Variants in COL22A1 observed in about 807,000 individuals in gnomAD.
The protein encoded by COL22A1 is collagen alpha-1(XXII) chain.
In COL22A1, 221 loss-of-function variants were observed where a neutral mutation model predicts 248.9. The ratio of observed to expected loss-of-function variants is 0.89; its 90% CI spans 0.80 to 0.99. The LOEUF is 0.99. Among genes scored for constraint, COL22A1 ranks in the 50% least tolerant of loss-of-function variants. COL22A1 has a pLI of 0.00. For synonymous variants in COL22A1, 891 were observed against 793.4 expected, an observed-to-expected ratio of 1.12 and a Z score of -2.07; for missense variants, 2,240 against 2,179.0, an observed-to-expected ratio of 1.03 and a Z score of -0.56.
intron 10 of COL22A1, among the ~76,000 whole-genome samples, chr8:138,805,565 T>A: frequency 2.3e-5 from 3 of 132,720 alleles, no homozygotes; most frequent in Admixed American, 7.5e-5. Flanking sequence ...TGGTGTGTTA[T>A]GGTGTGTGTC....
intron 41 of COL22A1, among the ~76,000 whole-genome samples, chr8:138,664,728 T>C (rs1824342516): frequency 6.6e-6 from 1 of 152,212 alleles, no homozygotes; most frequent in South Asian, 2.1e-4. Flanking sequence ...GCAAGTGCCC[T>C]GTGCATTGCA....
chr8:138,684,584 C>A, intron 38 of COL22A1, 115 bp from the exon 39 acceptor site: 2 of 770,654 alleles, frequency 2.6e-6, no homozygotes, highest in Non-Finnish European at 2.3e-6. Context: ...GGGTGAGACT[C>A]ACTATGACCT....
intron 41 of COL22A1, among the ~76,000 whole-genome samples, chr8:138,673,197 C>T (rs1195328631): frequency 6.8e-6 from 1 of 147,560 alleles, no homozygotes; most frequent in African/African-American, 2.5e-5. Context: ...GAGTAACTTA[C>T]TTACAGCCGA....
intron 13 of COL22A1, 123 bp from the exon 14 acceptor site, chr8:138,779,685 T>C (rs773248107): frequency 3.0e-6 from 2 of 664,776 alleles, no homozygotes; most frequent in South Asian, 3.6e-5. Flanking sequence ...AGAAACAAGG[T>C]AGCCACCAGT....
At position 138,676,628 on chromosome 8, in the gene COL22A1, C is replaced by A. The variant is rs768646626; in HGVS notation, c.3080G>T (p.Arg1027Leu). 3 of 1,562,266 alleles carry A rather than the reference C, an allele frequency of 1.9e-6. No homozygotes were observed. The highest frequency in any genetic ancestry group is 2.6e-6 in the Non-Finnish European group (3 of 1,152,094). Reference protein sequence around the residue: ...ALGGQCVKGDRGAPGIPGSPG... With the variant: ...ALGGQCVKGDLGAPGIPGSPG... ...AGAACCAGGGATCCCAGGAGCTCCT[C>A]GATCCCCCTAGAAAGAGAGAAAAAT... The change falls in exon 41 of 65, where the codon CGA becomes CTA. Residue 1027 changes from arginine to leucine, a missense_variant. Coordinates refer to ENST00000303045, the MANE Select transcript of COL22A1 (RefSeq NM_152888.3).
chr8:138,802,921 GCTC>G lies in COL22A1; in HGVS notation c.1505_1507del (p.Gly502del), dbSNP rs775459288. 2 of 1,613,794 alleles carry G rather than the reference GCTC, an allele frequency of 1.2e-6. No individual in the cohort carries two copies. Among genetic ancestry groups the G allele is most frequent in the Non-Finnish European group, 1.7e-6 (2 of 1,179,688 alleles). ...TCCAGGAGCGCCAACCGGCCCAATG[GCTC>G]CTATGTCTCCCTGAGGGGTTGAGAC... On this transcript the variant is annotated inframe_deletion, in exon 11 of 65. Transcript: ENST00000303045.
chr8:138,726,845 G>A (rs547719247), intron 23 of COL22A1, among the ~76,000 whole-genome samples: 1 of 152,342 alleles, frequency 6.6e-6, no homozygotes, highest in Non-Finnish European at 1.5e-5. Context: ...TAGTGAGGAG[G>A]AGCGACTTTG....
In COL22A1 at chr8:138,679,650, T is replaced by C. The variant is rs556013846; in HGVS notation, c.3039A>G (p.Ser1013=). ...ATTGCCCTCCCAGTGCACAGTTTTC[T>C]GACCCTCTGACTTTTCCGCAAGCAG... The part of the protein sequence containing the change: ...TKAACGKVRG[S]ENCALGGQCV... The change falls in exon 40 of 65, where the codon TCA becomes TCG. Residue 1013 remains serine, a synonymous_variant. Coordinates refer to ENST00000303045, the MANE Select transcript of COL22A1 (RefSeq NM_152888.3). 42 of 1,614,056 alleles carry C rather than the reference T, an allele frequency of 2.6e-5. No homozygotes were observed. In the South Asian group the frequency reaches 4.0e-4, roughly 15 times the overall value.
intron 8 of COL22A1, among the ~76,000 whole-genome samples, chr8:138,812,232 G>A (rs1396626535): frequency 1.3e-5 from 2 of 152,118 alleles, no homozygotes; most frequent in African/African-American, 4.8e-5. Context: ...CTCACCCTCT[G>A]ACTCCACAAC....
chr8:138,793,440 C>T (rs1360119223), intron 12 of COL22A1, among the ~76,000 whole-genome samples: 1 of 152,098 alleles, frequency 6.6e-6, no homozygotes, highest in Non-Finnish European at 1.5e-5. Context: ...CTTTATGCAT[C>T]ATCTCATCCC....
At position 138,796,806 on chromosome 8, in the gene COL22A1, G is replaced by A. The variant is rs1443909516; in HGVS notation, c.1596+13C>T. 6.3e-7 allele frequency: 1 copy of A among 1,577,248 alleles called. No individual in the cohort carries two copies. Among genetic ancestry groups the A allele is most frequent in the Admixed American group, 1.7e-5 (1 of 59,976 alleles). ...ATTCCCTTGGAGGAGTGTGATAAAA[G>A]GAAGATGCTTACCTTTTCACCCTTT... On this transcript the variant is annotated intron_variant, in intron 12 of 64. Transcript: ENST00000303045.
At chr8:138,613,140 C>T (rs1445415022) in intron 56 of COL22A1, among the ~76,000 whole-genome samples, 17 of 147,624 alleles carry the variant, frequency 1.2e-4, no homozygotes, top group African/African-American at 4.0e-4. Context: ...CCCAGCTACT[C>T]GGGAGGCTGA....
Position 138,686,803 on chromosome 8 carries a change from T to C in COL22A1, c.2863-1491A>G, listed in dbSNP as rs575910825. Among the ~76,000 whole-genome samples the C allele has an allele frequency of 8.5e-5, 13 of 152,340 alleles. No individual in the cohort carries two copies. The South Asian group carries it at 2.5e-3, about 29-fold the overall frequency. ...CAGGTTACCAATGTCCTACTTATAATGTGCCGTCCTTCAGACATGGTATAA... is the reference window on the plus strand; with the variant it reads ...CAGGTTACCAATGTCCTACTTATAACGTGCCGTCCTTCAGACATGGTATAA... On this transcript the variant is annotated intron_variant, in intron 37 of 64. Transcript: ENST00000303045.
At chr8:138,646,809 A>G (rs1030603920) in intron 46 of COL22A1, 127 bp from the exon 47 acceptor site, 2 of 659,396 alleles carry the variant, frequency 3.0e-6, no homozygotes, top group Non-Finnish European at 5.1e-6. Context: ...TCCGTCAGCT[A>G]CCCCTGCCCC....
intron 39 of COL22A1, among the ~76,000 whole-genome samples, chr8:138,680,694 T>G (rs1378488600): frequency 6.6e-6 from 1 of 152,144 alleles, no homozygotes; most frequent in Non-Finnish European, 1.5e-5. Flanking sequence ...CTCCCTAGCT[T>G]CCCCTGCTTC....
At position 138,676,281 on chromosome 8, in the gene COL22A1, C is replaced by T. The variant is rs989160389; in HGVS notation, c.3150+277G>A. Among the ~76,000 whole-genome samples, 7 of 127,498 alleles carry T rather than the reference C, an allele frequency of 5.5e-5. No individual in the cohort carries two copies. In the East Asian group the frequency reaches 7.6e-4, roughly 14 times the overall value. 83.6% of individuals were successfully genotyped at this position (127,498 alleles called of 152,430 possible). On this transcript the variant is annotated intron_variant, in intron 41 of 64. Coordinates refer to ENST00000303045, the MANE Select transcript of COL22A1 (RefSeq NM_152888.3). ...CGTGGTGGCAGGCACCTGTAATCTC[C>T]GTTACTCGGGAGGCTGAGGCAGGAG...
chr8:138,716,203 G>C, intron 29 of COL22A1, 24 bp downstream of exon 29: 1 of 1,560,406 alleles, frequency 6.4e-7, no homozygotes. Context: ...TCCTGTGTGG[G>C]AGGAAGGAAG....
In COL22A1 at chr8:138,596,994, C is replaced by T. The variant is rs753139498; in HGVS notation, c.4366-24G>A. On this transcript the variant is annotated intron_variant, in intron 61 of 64. Coordinates refer to ENST00000303045, the MANE Select transcript of COL22A1 (RefSeq NM_152888.3). ...CCCTAGGAGGGAGGGAAGGTGGAGT[C>T]ATTCATCTTCCCAGTAACTTCTGCC... The T allele has an allele frequency of 5.0e-6, 8 of 1,598,118 alleles. No homozygotes were observed. The South Asian group carries it at 8.8e-5, about 18-fold the overall frequency.
At chr8:138,856,946 G>T (rs867530804) in intron 3 of COL22A1, among the ~76,000 whole-genome samples, 1 of 152,110 alleles carries the variant, frequency 6.6e-6, no homozygotes, top group Admixed American at 6.5e-5. Flanking sequence ...GGACAAATGG[G>T]TGTCCACCTT....
Sources: allele counts gnomAD v4.1 joint callset (sites outside exome capture counted in the v4.1 genomes callset), GRCh38; gene constraint gnomAD v4.1.1; transcripts MANE v1.5; gene names NCBI Gene and HGNC (gene_info 2026-07-23, HGNC 2026-07-21).